CAMK2A: variants seen among roughly 807,000 people sequenced by gnomAD.
The protein encoded by CAMK2A is calcium/calmodulin-dependent protein kinase type II subunit alpha.
In CAMK2A, 7 loss-of-function variants were observed where a neutral mutation model predicts 79.2. The ratio of observed to expected loss-of-function variants is 0.09; its 90% CI spans 0.05 to 0.17. The LOEUF is 0.17. Among genes scored for constraint, CAMK2A ranks in the 10% least tolerant of loss-of-function variants. CAMK2A has a pLI of 1.00. For missense variants in CAMK2A, 214 were observed against 646.4 expected, an observed-to-expected ratio of 0.33 and a Z score of 7.25; for synonymous variants, 242 against 251.7, an observed-to-expected ratio of 0.96 and a Z score of 0.36.
chr5:150,262,341 A>C (rs1756335879), intron 3 of CAMK2A, among the ~76,000 whole-genome samples: 1 of 152,154 alleles, frequency 6.6e-6, no homozygotes, highest in African/African-American at 2.4e-5. Context: ...TTGAGCCCAC[A>C]TCTGTACCTC....
At chr5:150,277,770 C>G (rs1301889938) in intron 1 of CAMK2A, among the ~76,000 whole-genome samples, 1 of 152,150 alleles carries the variant, frequency 6.6e-6, no homozygotes, top group African/African-American at 2.4e-5. Context: ...GGTACCAGCC[C>G]CTCACAAGCG....
chr5:150,244,609 G>T (rs2114052228), intron 13 of CAMK2A, among the ~76,000 whole-genome samples: 1 of 152,340 alleles, frequency 6.6e-6, no homozygotes, highest in African/African-American at 2.4e-5. Flanking sequence ...GACAGGGCAG[G>T]CCCTTGGAGC....
chr5:150,239,606 TC>T, intron 14 of CAMK2A, 97 bp downstream of exon 14: 2 of 1,122,494 alleles, frequency 1.8e-6, no homozygotes, highest in South Asian at 2.5e-5. Flanking sequence ...GAGCACCCTC[TC>T]CCCGCCCCAG....
chr5:150,267,914 G>A (rs1039136298), intron 2 of CAMK2A, among the ~76,000 whole-genome samples: 2 of 149,304 alleles, frequency 1.3e-5, no homozygotes, highest in African/African-American at 5.0e-5. Flanking sequence ...CGCTGTGTCG[G>A]CCAGACTGGA....
intron 18 of CAMK2A, 73 bp downstream of exon 18, chr5:150,222,916 C>G: frequency 6.7e-7 from 1 of 1,488,182 alleles, no homozygotes; most frequent in Non-Finnish European, 9.4e-7. Context: ...GCAGCTTCCC[C>G]GACGTAACCC....
intron 2 of CAMK2A, 152 bp from the exon 3 acceptor site, chr5:150,265,167 C>T (rs1756458706): frequency 3.1e-6 from 2 of 655,360 alleles, no homozygotes; most frequent in Non-Finnish European, 2.8e-6. Context: ...CTGAGTTCTC[C>T]AGGAAGACCA....
intron 2 of CAMK2A, among the ~76,000 whole-genome samples, chr5:150,267,278 C>T (rs993522645): frequency 6.6e-6 from 1 of 152,216 alleles, no homozygotes; most frequent in Non-Finnish European, 1.5e-5. Context: ...CCCTACCCCC[C>T]ATCCCACCTC....
At chr5:150,239,582 A>G in intron 14 of CAMK2A, 122 bp downstream of exon 14, 1 of 854,722 alleles carries the variant, frequency 1.2e-6, no homozygotes, top group Non-Finnish European at 2.0e-6. Context: ...AGGCACACGT[A>G]CCAAGCACGC....
At chr5:150,241,105 T>A (rs146554841) in intron 13 of CAMK2A, among the ~76,000 whole-genome samples, 1 of 152,322 alleles carries the variant, frequency 6.6e-6, no homozygotes, top group Non-Finnish European at 1.5e-5. Flanking sequence ...AAAGTGATGG[T>A]TGGGCCAGGA....
At chr5:150,265,934 CAAAA>C (rs56772676) in intron 2 of CAMK2A, among the ~76,000 whole-genome samples, 1 of 83,628 alleles carries the variant, frequency 1.2e-5, no homozygotes, top group Non-Finnish European at 2.5e-5. Context: ...GACTTCATCT[CAAAA>C]AAAAAAAAAA....
rs1756061277 is a variant in CAMK2A, at chr5:150,256,444, C to T, written c.411+129G>A. 1.5e-6 allele frequency: 1 copy of T among 652,964 alleles called. No homozygotes were observed. Among genetic ancestry groups the T allele is most frequent in the Non-Finnish European group, 2.7e-6 (1 of 369,500 alleles). 40.4% of individuals were successfully genotyped at this position (652,964 alleles called of 1,614,324 possible). On this transcript the variant is annotated intron_variant, in intron 6 of 18. Transcript: ENST00000671881. The surrounding 1 kb of genome is among the most constrained non-coding windows in gnomAD (Gnocchi z 4.6). The stretch of plus-strand genomic sequence containing the variant: ...TGAACAGTGGGGAAAATAATCTCAC[C>T]CACCCCACCTTCCAGCCTAACACAG...
intron 15 of CAMK2A, among the ~76,000 whole-genome samples, chr5:150,232,901 G>T (rs973555382): frequency 5.9e-5 from 9 of 152,188 alleles, no homozygotes; most frequent in Admixed American, 2.6e-4. Flanking sequence ...CCCAGTGAGG[G>T]GGTTGTGATT....
chr5:150,266,873 G>T (rs1003097905), intron 2 of CAMK2A, among the ~76,000 whole-genome samples: 2 of 152,108 alleles, frequency 1.3e-5, no homozygotes, highest in African/African-American at 4.8e-5. Flanking sequence ...CGGGTGGGGG[G>T]GTGGTGAGAA....
intron 11 of CAMK2A, among the ~76,000 whole-genome samples, chr5:150,248,879 A>G (rs561845567): frequency 2.7e-4 from 41 of 152,314 alleles, no homozygotes; most frequent in African/African-American, 9.1e-4. Context: ...AGCCTCCTCC[A>G]TCAACAAGCA....
At chr5:150,236,210 C>T (rs1431509647) in intron 15 of CAMK2A, among the ~76,000 whole-genome samples, 3 of 152,206 alleles carry the variant, frequency 2.0e-5, no homozygotes, top group Admixed American at 6.5e-5. Flanking sequence ...AGAGAAAAAA[C>T]GTCCTTGATG....
intron 16 of CAMK2A, among the ~76,000 whole-genome samples, chr5:150,231,080 G>T (rs1282843599): frequency 6.6e-6 from 1 of 152,194 alleles, no homozygotes; most frequent in East Asian, 1.9e-4. Context: ...GGAGGAGGAA[G>T]GATGGGAGGA....
chr5:150,222,459 T>C lies in CAMK2A; in HGVS notation c.*251A>G. ...AGGGGGCCAGTGCTGTGGACACCCA[T>C]GCCTGAGGAAGCCCCAGCCTGGCAG... On this transcript the variant is annotated 3_prime_UTR_variant, in exon 19 of 19. Transcript: ENST00000671881. 2 of 701,182 alleles carry C rather than the reference T, an allele frequency of 2.9e-6. No homozygotes were observed. The highest frequency in any genetic ancestry group is 5.2e-6 in the Non-Finnish European group (2 of 384,238). The allele number at this position is 701,182 out of a possible 1,614,324, so 43.4% of individuals were successfully genotyped here.
At position 150,234,001 on chromosome 5, in the gene CAMK2A, T is replaced by C. The variant is rs372117400; in HGVS notation, c.1067-2621A>G. 3.2e-4 allele frequency among the ~76,000 whole-genome samples: 49 copies of C among 152,210 alleles called. 3 individuals are homozygous for C. The South Asian group carries it at 3.5e-3, about 11-fold the overall frequency. On this transcript the variant is annotated intron_variant, in intron 15 of 18. Transcript: ENST00000671881. ...CTAATTTTTGTATTTGTAGTGGAGA[T>C]GAGGTTTCACCATGTTGGCCAGGCT...
intron 17 of CAMK2A, among the ~76,000 whole-genome samples, chr5:150,226,753 G>C (rs1227563441): frequency 7.2e-6 from 1 of 139,844 alleles, no homozygotes; most frequent in Non-Finnish European, 1.6e-5. Flanking sequence ...AAGGGGGGGG[G>C]GGGATTTTCC....
Sources: allele counts gnomAD v4.1 joint callset (sites outside exome capture counted in the v4.1 genomes callset), GRCh38; gene constraint gnomAD v4.1.1; non-coding constraint Gnocchi (gnomAD v3.1); transcripts MANE v1.5; gene names NCBI Gene and HGNC (gene_info 2026-07-23, HGNC 2026-07-21).